Variants in LIN52 observed in about 807,000 individuals in gnomAD.
LIN52 encodes protein lin-52 homolog.
Under a neutral mutation model 18.5 loss-of-function variants are expected in LIN52, and 4 were observed. The ratio of observed to expected loss-of-function variants is 0.22; its 90% CI spans 0.11 to 0.49. The LOEUF is 0.49. Among genes scored for constraint, LIN52 ranks in the 20% least tolerant of loss-of-function variants. LIN52 has a pLI of 0.97. For missense variants in LIN52, 102 were observed against 139.5 expected, an observed-to-expected ratio of 0.73 and a Z score of 1.35; for synonymous variants, 34 against 45.5, an observed-to-expected ratio of 0.75 and a Z score of 1.02.
chr14:74,139,412 G>T (rs574675593), intron 5 of LIN52, among the ~76,000 whole-genome samples: 7 of 152,184 alleles, frequency 4.6e-5, no homozygotes, highest in Non-Finnish European at 1.0e-4. Flanking sequence ...CTCAGAATTA[G>T]TGATTTTACA....
intron 5 of LIN52, among the ~76,000 whole-genome samples, chr14:74,132,132 A>G (rs8021843): frequency 2.6e-5 from 4 of 152,166 alleles, no homozygotes; most frequent in African/African-American, 9.7e-5. Flanking sequence ...TATTATTCCC[A>G]TTTAAACAGA....
intron 5 of LIN52, among the ~76,000 whole-genome samples, chr14:74,198,418 G>T (rs115359208): frequency 0.03 from 4,577 of 152,246 alleles, 187 homozygotes; most frequent in African/African-American, 0.092. Flanking sequence ...CAGATGAACT[G>T]CACTGAGGGA....
intron 5 of LIN52, among the ~76,000 whole-genome samples, chr14:74,147,654 A>T (rs2061157877): frequency 6.6e-6 from 1 of 152,264 alleles, no homozygotes; most frequent in Non-Finnish European, 1.5e-5. Context: ...ATGGAATATT[A>T]TTCAGCCTTT....
chr14:74,175,510 T>C (rs2061288838), intron 5 of LIN52, among the ~76,000 whole-genome samples: 1 of 150,284 alleles, frequency 6.7e-6, no homozygotes, highest in Non-Finnish European at 1.5e-5. Flanking sequence ...CTGGGCAATA[T>C]AGCAAGACCC....
chr14:74,143,187 A>C (rs1166047736), intron 5 of LIN52, among the ~76,000 whole-genome samples: 1 of 152,132 alleles, frequency 6.6e-6, no homozygotes, highest in Non-Finnish European at 1.5e-5. Context: ...AGTTTAACAG[A>C]ACATCTTTCT....
At chr14:74,111,995 C>T (rs1308757571) in intron 5 of LIN52, among the ~76,000 whole-genome samples, 2 of 151,964 alleles carry the variant, frequency 1.3e-5, no homozygotes, top group Non-Finnish European at 2.9e-5. Flanking sequence ...ATTCTCCTGC[C>T]TCAGCCTCCC....
At chr14:74,159,389 T>C (rs988694326) in intron 5 of LIN52, among the ~76,000 whole-genome samples, 6 of 152,216 alleles carry the variant, frequency 3.9e-5, no homozygotes, top group African/African-American at 1.4e-4. Flanking sequence ...ATCTCCTGCC[T>C]GCCTTTGTAT....
At chr14:74,196,519 G>T in intron 5 of LIN52, among the ~76,000 whole-genome samples, 1 of 152,156 alleles carries the variant, frequency 6.6e-6, no homozygotes, top group South Asian at 2.1e-4. Flanking sequence ...TTCTAGCCAT[G>T]TTGCAGGATC....
chr14:74,140,946 C>T (rs1425852919), intron 5 of LIN52, among the ~76,000 whole-genome samples: 1 of 151,970 alleles, frequency 6.6e-6, no homozygotes, highest in African/African-American at 2.4e-5. Flanking sequence ...CTTCTGTCCC[C>T]CATGGAAATT....
intron 5 of LIN52, among the ~76,000 whole-genome samples, chr14:74,169,606 G>C (rs2061262702): frequency 1.3e-5 from 2 of 152,120 alleles, no homozygotes; most frequent in South Asian, 4.1e-4. Context: ...AGCCACAGTT[G>C]TTATTTATGA....
intron 5 of LIN52, among the ~76,000 whole-genome samples, chr14:74,134,290 C>G (rs1456313791): frequency 6.6e-6 from 1 of 152,214 alleles, no homozygotes; most frequent in Non-Finnish European, 1.5e-5. Flanking sequence ...TCCTGTTTTA[C>G]AGGCCTCTCT....
At chr14:74,102,288 T>G (rs1207041332) in intron 5 of LIN52, among the ~76,000 whole-genome samples, 1 of 152,198 alleles carries the variant, frequency 6.6e-6, no homozygotes, top group African/African-American at 2.4e-5. Context: ...CAACTGATAG[T>G]CGTCACTTCC....
At chr14:74,157,578 C>T (rs1326856698) in intron 5 of LIN52, among the ~76,000 whole-genome samples, 1 of 151,866 alleles carries the variant, frequency 6.6e-6, no homozygotes, top group Non-Finnish European at 1.5e-5. Flanking sequence ...GGGATCCTCC[C>T]ACCTTAGCCT....
At chr14:74,099,310 G>A (rs929132776) in intron 4 of LIN52, among the ~76,000 whole-genome samples, 9 of 152,182 alleles carry the variant, frequency 5.9e-5, no homozygotes, top group Non-Finnish European at 1.2e-4. Context: ...GATTTTAGAA[G>A]TAATTCATTG....
intron 1 of LIN52, among the ~76,000 whole-genome samples, chr14:74,089,560 T>A (rs11159061): frequency 1.3e-5 from 2 of 151,450 alleles, no homozygotes; most frequent in East Asian, 3.9e-4. Flanking sequence ...TAGAGATGGG[T>A]TTTCACTATG....
intron 5 of LIN52, among the ~76,000 whole-genome samples, chr14:74,166,867 A>G (rs1274577359): frequency 6.6e-6 from 1 of 152,064 alleles, no homozygotes. Context: ...TGGTGGATGG[A>G]ATTTTACTTT....
intron 5 of LIN52, among the ~76,000 whole-genome samples, chr14:74,137,692 G>T (rs1383924717): frequency 6.6e-6 from 1 of 151,880 alleles, no homozygotes; most frequent in Non-Finnish European, 1.5e-5. Context: ...TAGAGACGGG[G>T]TTTCACTGTG....
intron 5 of LIN52, among the ~76,000 whole-genome samples, chr14:74,171,249 T>C (rs922267524): frequency 2.0e-5 from 3 of 151,740 alleles, no homozygotes; most frequent in African/African-American, 7.3e-5. Flanking sequence ...CATGCACCTA[T>C]AGACCCAGCT....
chr14:74,197,899 A>T (rs925363165), intron 5 of LIN52, among the ~76,000 whole-genome samples: 1 of 152,230 alleles, frequency 6.6e-6, no homozygotes, highest in Non-Finnish European at 1.5e-5. Context: ...CAAGGAGGCC[A>T]GGGTGAAGGT....
Sources: gnomAD v4.1 joint callset for allele counts (sites outside exome capture counted in the v4.1 genomes callset) on GRCh38, gnomAD v4.1.1 for gene constraint, MANE v1.5 for transcripts, NCBI Gene and HGNC (gene_info 2026-07-23, HGNC 2026-07-21) for gene names.